NTM: variants seen among roughly 807,000 people sequenced by gnomAD.
NTM encodes neurotrimin, also known as IgLON family member 2.
NTM carries 13 observed loss-of-function variants against 42.1 expected under a neutral mutation model. The observed-to-expected ratio is 0.31, with a 90% CI of 0.20 to 0.49. The LOEUF (loss-of-function observed/expected upper bound fraction) is 0.49. NTM is among the 20% of genes least tolerant of loss of function. The probability of loss-of-function intolerance (pLI) is 0.99; values close to 1 mark genes in which losing one functional copy is unlikely to be tolerated. For synonymous variants in NTM, 187 were observed against 179.2 expected (o/e 1.04, Z -0.35); for missense variants, 373 against 452.8 (o/e 0.82, Z 1.60).
At chr11:131,994,983 G>A (rs977941268) in intron 2 of NTM, among the ~76,000 whole-genome samples, 16 of 151,942 alleles carry the variant, frequency 1.1e-4, no homozygotes, top group African/African-American at 3.9e-4. Context: ...TATCTGCCAT[G>A]TGCATTTATG....
chr11:131,951,142 A>G (rs78537560), intron 2 of NTM, among the ~76,000 whole-genome samples: 21 of 152,256 alleles, frequency 1.4e-4, no homozygotes, highest in Non-Finnish European at 2.4e-4. Context: ...AGTTCTTAGT[A>G]TGGTACCGTG....
intron 3 of NTM, among the ~76,000 whole-genome samples, chr11:132,152,862 G>A (rs1207617368): frequency 6.6e-6 from 1 of 152,194 alleles, no homozygotes; most frequent in African/African-American, 2.4e-5. Flanking sequence ...TTGAATAATG[G>A]CATTTTCTTT....
chr11:131,578,760 A>G (rs1387900665), intron 1 of NTM, among the ~76,000 whole-genome samples: 2 of 152,162 alleles, frequency 1.3e-5, no homozygotes, highest in Admixed American at 6.5e-5. Flanking sequence ...GATGGTGAGG[A>G]TCCAGTTCCC....
chr11:132,225,720 T>C (rs1592345199), intron 4 of NTM, among the ~76,000 whole-genome samples: 1 of 152,228 alleles, frequency 6.6e-6, no homozygotes. Context: ...TTAAATTTAT[T>C]TTTTATTGTA....
intron 2 of NTM, among the ~76,000 whole-genome samples, chr11:132,092,229 T>C (rs926376473): frequency 6.6e-6 from 1 of 152,254 alleles, no homozygotes; most frequent in African/African-American, 2.4e-5. Flanking sequence ...CCAAATTCTG[T>C]TCTGTCTCTT....
intron 1 of NTM, among the ~76,000 whole-genome samples, chr11:131,413,436 T>C (rs1240953664): frequency 6.6e-6 from 1 of 152,228 alleles, no homozygotes; most frequent in African/African-American, 2.4e-5. Flanking sequence ...CGAACAGTGC[T>C]GATCAATGGC....
chr11:131,626,712 C>T (rs1489734346), intron 1 of NTM, among the ~76,000 whole-genome samples: 4 of 152,226 alleles, frequency 2.6e-5, no homozygotes, highest in Admixed American at 1.3e-4. Flanking sequence ...GGCGAAGGCT[C>T]CTAGACGATC....
chr11:131,558,287 T>C (rs2055728921), intron 1 of NTM, among the ~76,000 whole-genome samples: 1 of 152,054 alleles, frequency 6.6e-6, no homozygotes, highest in Non-Finnish European at 1.5e-5. Flanking sequence ...ACAGCCCTCC[T>C]CATACCTGAC....
chr11:131,686,602 T>C (rs1227262105), intron 1 of NTM, among the ~76,000 whole-genome samples: 2 of 152,140 alleles, frequency 1.3e-5, no homozygotes, highest in Non-Finnish European at 2.9e-5. Flanking sequence ...GTGCAGGCAC[T>C]CTTGGTGTAA....
intron 2 of NTM, among the ~76,000 whole-genome samples, chr11:132,137,659 C>T (rs191767417): frequency 9.2e-5 from 14 of 152,228 alleles, no homozygotes; most frequent in East Asian, 3.9e-4. Context: ...CCTGGGGCCA[C>T]GAACAGGAAG....
At chr11:132,238,036 T>G (rs1385633179) in intron 4 of NTM, among the ~76,000 whole-genome samples, 4 of 152,188 alleles carry the variant, frequency 2.6e-5, no homozygotes, top group African/African-American at 4.8e-5. Flanking sequence ...GACCAATTGT[T>G]TTACAGCAGA....
chr11:131,878,590 AAAAAATATATATATATATATATATATAT>A (rs1406867671), intron 1 of NTM, among the ~76,000 whole-genome samples: 438 of 31,458 alleles, frequency 0.014, 75 homozygotes, highest in East Asian at 0.047. Flanking sequence ...AAAAAAAAAA[AAAAAATATATATATATATATATATATAT>A]ATATATATAT....
At chr11:132,149,387 T>C in intron 3 of NTM, among the ~76,000 whole-genome samples, 1 of 152,008 alleles carries the variant, frequency 6.6e-6, no homozygotes, top group East Asian at 1.9e-4. Flanking sequence ...TATTAGGTTT[T>C]CAAAATGGTA....
intron 1 of NTM, among the ~76,000 whole-genome samples, chr11:131,610,218 G>A (rs538458513): frequency 1.2e-4 from 18 of 152,292 alleles, no homozygotes; most frequent in Middle Eastern, 3.4e-3. Context: ...CAGCAAGGGC[G>A]GAGTAAATGG....
At chr11:132,021,061 TTCTG>T (rs1371395681) in intron 2 of NTM, among the ~76,000 whole-genome samples, 2 of 152,150 alleles carry the variant, frequency 1.3e-5, no homozygotes, top group Non-Finnish European at 2.9e-5. Context: ...TTTATTTTTC[TTCTG>T]TCTTTTTTCC....
At chr11:131,560,367 C>T (rs1220127488) in intron 1 of NTM, among the ~76,000 whole-genome samples, 3 of 152,166 alleles carry the variant, frequency 2.0e-5, no homozygotes, top group Admixed American at 2.0e-4. Context: ...TTCAAAAATA[C>T]ACTATACAAG....
intron 1 of NTM, among the ~76,000 whole-genome samples, chr11:131,600,030 C>T (rs535242929): frequency 3.9e-5 from 6 of 152,184 alleles, no homozygotes; most frequent in South Asian, 2.1e-4. Flanking sequence ...ATCACCTCTC[C>T]GAGGCGGCTC....
chr11:132,230,854 C>A (rs1172308171), intron 4 of NTM, among the ~76,000 whole-genome samples: 1 of 152,162 alleles, frequency 6.6e-6, no homozygotes, highest in Middle Eastern at 3.2e-3. Context: ...AGACCCCCAT[C>A]TCTACAAAAA....
At chr11:131,702,195 C>T (rs573023140) in intron 1 of NTM, among the ~76,000 whole-genome samples, 14 of 152,260 alleles carry the variant, frequency 9.2e-5, no homozygotes, top group Non-Finnish European at 1.3e-4. Context: ...CACCAGGGAT[C>T]GGCCCACACT....
Sources: gnomAD v4.1 joint callset for allele counts (sites outside exome capture counted in the v4.1 genomes callset) on GRCh38, gnomAD v4.1.1 for gene constraint, MANE v1.5 for transcripts, NCBI Gene and HGNC (gene_info 2026-07-23, HGNC 2026-07-21) for gene names.